ARHGAP32: variants seen among roughly 807,000 people sequenced by gnomAD.
ARHGAP32 encodes rho GTPase-activating protein 32.
ARHGAP32 carries 51 observed loss-of-function variants against 186.5 expected under a neutral mutation model. The observed-to-expected ratio is 0.27, with a 90% CI of 0.22 to 0.35. The LOEUF (loss-of-function observed/expected upper bound fraction) is 0.35. Among genes scored for constraint, ARHGAP32 ranks in the 10% least tolerant of loss-of-function variants. ARHGAP32 has a pLI of 1.00. For missense variants in ARHGAP32, 2,186 were observed against 2,623.5 expected, an observed-to-expected ratio of 0.83 and a Z score of 3.64; for synonymous variants, 950 against 964.3, an observed-to-expected ratio of 0.99 and a Z score of 0.27.
At chr11:129,047,413 C>T (rs984669746) in intron 10 of ARHGAP32, among the ~76,000 whole-genome samples, 14 of 152,194 alleles carry the variant, frequency 9.2e-5, no homozygotes, top group Non-Finnish European at 1.8e-4. Context: ...ATCCCCTTCA[C>T]ATTTCCCCCC....
rs1207918643 is a variant in ARHGAP32, at chr11:128,969,456, A to G, written c.5757T>C (p.Asp1919=). The change falls in exon 23 of 23, where the codon GAT becomes GAC. Residue 1919 remains aspartate (D), a synonymous_variant. Transcript: ENST00000682385. This position sits in a 1 kb window ranked among gnomAD's most constrained non-coding sequence, Gnocchi z 4.8. ...PPYPQGAGQL[D]YGSKGIPDTS... is the part of the protein sequence containing the mutation. The stretch of plus-strand genomic sequence containing the variant: ...TGTCTGGAATCCCTTTGGACCCATA[A>G]TCTAACTGGCCAGCTCCCTGGGGAT... 3 of 1,613,960 alleles carry G rather than the reference A, an allele frequency of 1.9e-6. No individual in the cohort carries two copies. Among genetic ancestry groups the G allele is most frequent in the Admixed American group, 1.7e-5 (1 of 59,990 alleles).
At chr11:129,153,197 A>G (rs1016769441) in intron 2 of ARHGAP32, among the ~76,000 whole-genome samples, 1 of 152,170 alleles carries the variant, frequency 6.6e-6, no homozygotes, top group African/African-American at 2.4e-5. Context: ...CTATCTCTAC[A>G]AGGAAAACTG....
intron 11 of ARHGAP32, among the ~76,000 whole-genome samples, chr11:129,015,350 G>A (rs556802601): frequency 6.6e-6 from 1 of 152,232 alleles, no homozygotes; most frequent in South Asian, 2.1e-4. Flanking sequence ...AGAGCCCAAT[G>A]TCAATGTACT....
chr11:129,190,851 G>C (rs1282981997), intron 1 of ARHGAP32, among the ~76,000 whole-genome samples: 2 of 152,106 alleles, frequency 1.3e-5, no homozygotes, highest in Non-Finnish European at 2.9e-5. Flanking sequence ...ACCTTGGAAG[G>C]GAAGGGACTT....
At position 128,976,564 on chromosome 11, in the gene ARHGAP32, A is replaced by G. The variant is rs755722646; in HGVS notation, c.2193T>C (p.Asp731=). ...EESLTSLHAV[D]GDSKLFRPRR... is the part of the protein sequence containing the mutation. ...AATGACTGATGCTTTTAGTCTTACC[A>G]TCAACTGCATGGAGAGATGTAAGAG... Residue 731 remains aspartate, a splice_region_variant and synonymous_variant, in exon 20 of 23, where the codon GAT becomes GAC. Coordinates refer to ENST00000682385, the MANE Select transcript of ARHGAP32 (RefSeq NM_001378024.1). 1.2e-6 allele frequency: 2 copies of G among 1,613,256 alleles called. No homozygotes were observed. The highest frequency in any genetic ancestry group is 1.1e-5 in the South Asian group (1 of 91,044).
At chr11:129,184,563 TA>T (rs1565460507) in intron 1 of ARHGAP32, among the ~76,000 whole-genome samples, 1 of 151,758 alleles carries the variant, frequency 6.6e-6, no homozygotes, top group Non-Finnish European at 1.5e-5. Flanking sequence ...ATTCACAAAG[TA>T]AAATGTAAAA....
At chr11:129,088,756 C>T (rs1941483885) in intron 6 of ARHGAP32, among the ~76,000 whole-genome samples, 1 of 151,876 alleles carries the variant, frequency 6.6e-6, no homozygotes, top group South Asian at 2.1e-4. Flanking sequence ...GTAATTATTG[C>T]TACCAGCTGG....
At chr11:129,091,767 C>T (rs1941583712) in intron 6 of ARHGAP32, among the ~76,000 whole-genome samples, 1 of 152,032 alleles carries the variant, frequency 6.6e-6, no homozygotes. Context: ...TCCTTGTAGT[C>T]CCCACTGCTA....
chr11:129,170,060 A>G (rs1009970378), intron 1 of ARHGAP32, among the ~76,000 whole-genome samples: 1 of 152,098 alleles, frequency 6.6e-6, no homozygotes, highest in African/African-American at 2.4e-5. Context: ...ATATACAAAA[A>G]CCCAGTAATA....
Position 129,192,292 on chromosome 11 carries a change from A to G in ARHGAP32, c.-94T>C, listed in dbSNP as rs1340314681. Reference sequence around the variant, plus strand: ...TTCAGCTCTACTCATGTATACTCAGATGTGTGTCTGGTGCCCTAGTGACAG... The same window carrying G: ...TTCAGCTCTACTCATGTATACTCAGGTGTGTGTCTGGTGCCCTAGTGACAG... On this transcript the variant is annotated 5_prime_UTR_variant, in exon 1 of 23. Transcript: ENST00000682385. The G allele has an allele frequency of 3.6e-6, 3 of 835,304 alleles. No homozygotes were observed. The highest frequency in any genetic ancestry group is 6.0e-6 in the Non-Finnish European group (3 of 501,894). The allele number at this position is 835,304 out of a possible 1,614,324, so 51.7% of individuals were successfully genotyped here. A position where few individuals can be genotyped will look rare whatever the true frequency, so the allele number is the denominator to read the frequency against.
intron 2 of ARHGAP32, among the ~76,000 whole-genome samples, chr11:129,148,102 A>G (rs1943207898): frequency 6.6e-6 from 1 of 152,244 alleles, no homozygotes; most frequent in African/African-American, 2.4e-5. Context: ...GATAGCAGAC[A>G]ATGCTAACGT....
chr11:129,196,275 G>A (rs1418680519), upstream of ARHGAP32, among the ~76,000 whole-genome samples: 1 of 152,154 alleles, frequency 6.6e-6, no homozygotes, highest in Non-Finnish European at 1.5e-5. Flanking sequence ...CATGGGTTCT[G>A]CATCCATGAA....
At chr11:129,192,882 C>T (rs1424700803), upstream of ARHGAP32, among the ~76,000 whole-genome samples, 1 of 152,128 alleles carries the variant, frequency 6.6e-6, no homozygotes, top group Non-Finnish European at 1.5e-5. Flanking sequence ...AAGATGCTGA[C>T]AATCACATCA....
intron 10 of ARHGAP32, among the ~76,000 whole-genome samples, chr11:129,062,056 T>C (rs1413200731): frequency 6.6e-6 from 1 of 152,186 alleles, no homozygotes; most frequent in Non-Finnish European, 1.5e-5. Flanking sequence ...ATTCACATTT[T>C]GGCTTCACCA....
rs1278555576 is a variant in ARHGAP32, at chr11:129,123,517, T to C, written c.373A>G (p.Lys125Glu). 1 of 1,612,388 alleles carries C rather than the reference T, an allele frequency of 6.2e-7. No individual in the cohort carries two copies. The highest frequency in any genetic ancestry group is 2.2e-5 in the East Asian group (1 of 44,868). ...TCAGCCATCTTCGGAAAGTGACCTT[T>C]AGTGAAGGGTAACCTGAAACACATG... The part of the protein sequence containing the change: ...CDNIHRLPFT[K>E]GHFPKMAECA... Residue 125 changes from lysine to glutamate, a missense_variant, in exon 5 of 23, where the codon AAA becomes GAA. Physicochemically the swap from Lys to Glu is moderately conservative, Grantham distance 56 (BLOSUM62 1). This residue lies in a region of ARHGAP32 where 308 missense variants were observed against 596.5 expected (regional missense o/e 0.52). Coordinates refer to ENST00000682385, the MANE Select transcript of ARHGAP32 (RefSeq NM_001378024.1). This position sits in a 1 kb window ranked among gnomAD's most constrained non-coding sequence, Gnocchi z 4.6.
intron 1 of ARHGAP32, among the ~76,000 whole-genome samples, chr11:129,171,977 T>C (rs188259233): frequency 3.1e-4 from 47 of 152,288 alleles, no homozygotes; most frequent in Admixed American, 2.3e-3. Context: ...TGCTTGCCTA[T>C]TGTTGACAAA....
At chr11:129,019,596 ATCTATT>A (rs1422837629) in intron 11 of ARHGAP32, among the ~76,000 whole-genome samples, 1 of 152,060 alleles carries the variant, frequency 6.6e-6, no homozygotes, top group Non-Finnish European at 1.5e-5. Context: ...TCTTCTATAT[ATCTATT>A]TCTAATTATC....
At chr11:129,147,310 G>C (rs1943187149) in intron 2 of ARHGAP32, among the ~76,000 whole-genome samples, 1 of 152,138 alleles carries the variant, frequency 6.6e-6, no homozygotes, top group South Asian at 2.1e-4. Context: ...AATTTCATAT[G>C]TATACAGCAT....
chr11:129,046,257 T>C (rs964587210), intron 10 of ARHGAP32, among the ~76,000 whole-genome samples: 2 of 152,168 alleles, frequency 1.3e-5, no homozygotes, highest in East Asian at 1.9e-4. Context: ...AGAGCATAAA[T>C]GGTAAAATGT....
Sources: gnomAD v4.1 joint callset for allele counts (sites outside exome capture counted in the v4.1 genomes callset) on GRCh38, gnomAD v4.1.1 for gene constraint, gnomAD v4.1.1 regional missense constraint, Gnocchi (gnomAD v3.1) non-coding constraint, MANE v1.5 for transcripts, NCBI Gene and HGNC (gene_info 2026-07-23, HGNC 2026-07-21) for gene names.